The following SIK3 variants were observed in gnomAD, a reference collection of about 807,000 sequenced individuals.
The protein encoded by SIK3 is SIK family kinase 3.
In SIK3, 28 loss-of-function variants were observed where a neutral mutation model predicts 144.2. The ratio of observed to expected loss-of-function variants is 0.19; its 90% CI spans 0.14 to 0.27. The LOEUF is 0.27. Among genes scored for constraint, SIK3 ranks in the 10% least tolerant of loss-of-function variants. The probability of loss-of-function intolerance (pLI) is 1.00; values close to 1 mark genes in which losing one functional copy is unlikely to be tolerated. For synonymous variants in SIK3, 686 were observed against 676.3 expected, an observed-to-expected ratio of 1.01 and a Z score of -0.22; for missense variants, 1,319 against 1,776.0, an observed-to-expected ratio of 0.74 and a Z score of 4.62.
chr11:117,021,380 G>T (rs537542466), intron 1 of SIK3, among the ~76,000 whole-genome samples: 1 of 152,100 alleles, frequency 6.6e-6, no homozygotes, highest in South Asian at 2.1e-4. Context: ...AAACTGCCTT[G>T]GTCAGAGCAC....
intron 4 of SIK3, among the ~76,000 whole-genome samples, chr11:116,921,989 G>A (rs1947008069): frequency 6.6e-6 from 1 of 151,804 alleles, no homozygotes; most frequent in East Asian, 1.9e-4. Context: ...CTAAGTCCAA[G>A]TAAGACTCCT....
At chr11:116,855,466 T>TAA (rs1357472977) in intron 21 of SIK3, 2 of 152,262 alleles carry the variant, frequency 1.3e-5, no homozygotes, top group East Asian at 3.8e-4. Context: ...AGGGGTCCTC[T>TAA]GACAATCAGG....
chr11:116,845,726 C>T (rs1229612100), intron 24 of SIK3, 97 bp from the exon 25 acceptor site: 1 of 152,232 alleles, frequency 6.6e-6, no homozygotes, highest in Non-Finnish European at 1.5e-5. Context: ...GGTTTACTTT[C>T]CCTCAGGTGT....
chr11:117,093,152 T>G (rs1326347633), intron 1 of SIK3, among the ~76,000 whole-genome samples: 1 of 152,242 alleles, frequency 6.6e-6, no homozygotes, highest in Non-Finnish European at 1.5e-5. Context: ...TAATGTAAAT[T>G]CTGCTTTCAA....
chr11:117,098,144 T>C lies in SIK3; in HGVS notation c.272A>G (p.Lys91Arg), dbSNP rs1386647862. The change falls in exon 1 of 25, where the codon AAG becomes AGG. Residue 91 changes from lysine to arginine, a missense_variant and splice_region_variant. By Grantham distance (26) the Lys-to-Arg change is conservative. Around this residue, in one of 8 missense-constraint regions of SIK3, gnomAD observed 125 missense variants for 285.2 expected, o/e 0.44. Transcript: ENST00000445177. ...KRATHLVTKA[K>R]VAIKIIDKTQ... The stretch of plus-strand genomic sequence containing the variant: ...GCCGCCTGGCCCCTGCGCCGGTACC[T>C]TGGCCTTGGTGACGAGGTGCGTGGC... The C allele has an allele frequency of 5.4e-6, 8 of 1,490,516 alleles. No homozygotes were observed. Among genetic ancestry groups the C allele is most frequent in the Admixed American group, 3.9e-5 (2 of 51,062 alleles). 92.3% of individuals were successfully genotyped at this position (1,490,516 alleles called of 1,614,324 possible). A position where few individuals can be genotyped will look rare whatever the true frequency, so the allele number is the denominator to read the frequency against.
intron 6 of SIK3, among the ~76,000 whole-genome samples, chr11:116,890,928 TAGG>T (rs1308843278): frequency 6.6e-6 from 1 of 152,170 alleles, no homozygotes; most frequent in Non-Finnish European, 1.5e-5. Context: ...AAATAGCAGA[TAGG>T]AGATCAATTT....
At chr11:116,920,461 T>C (rs1591326032) in intron 4 of SIK3, among the ~76,000 whole-genome samples, 1 of 152,340 alleles carries the variant, frequency 6.6e-6, no homozygotes, top group African/African-American at 2.4e-5. Flanking sequence ...GCACAAATCA[T>C]TCTGCCATGT....
chr11:117,029,376 G>C (rs1339978609), intron 1 of SIK3, among the ~76,000 whole-genome samples: 1 of 152,146 alleles, frequency 6.6e-6, no homozygotes, highest in East Asian at 1.9e-4. Context: ...AGGATGAATT[G>C]AACCCAGGAG....
rs888456855 is a variant in SIK3 at position 117,023,831 on chromosome 11, C to T, written c.274-66767G>A. Among the ~76,000 whole-genome samples, 10 of 151,610 alleles carry T rather than the reference C, an allele frequency of 6.6e-5. 1 individual carries two copies. The highest frequency in any genetic ancestry group is 1.7e-4 in the African/African-American group (7 of 41,224). On this transcript the variant is annotated intron_variant, in intron 1 of 24. Transcript: ENST00000445177. The stretch of plus-strand genomic sequence containing the variant: ...AGCTGGGATTACAGATGTGCGCCAC[C>T]GTGGCATAACTAATTTTTTGTATTT...
chr11:117,045,682 C>T (rs1308632922), intron 1 of SIK3, among the ~76,000 whole-genome samples: 1 of 152,044 alleles, frequency 6.6e-6, no homozygotes, highest in Non-Finnish European at 1.5e-5. Flanking sequence ...GTGGTGAGAC[C>T]CACAACACTT....
At chr11:116,889,143 G>T (rs1944973275) in intron 6 of SIK3, among the ~76,000 whole-genome samples, 1 of 152,230 alleles carries the variant, frequency 6.6e-6, no homozygotes, top group Admixed American at 6.5e-5. Flanking sequence ...TATTACCTGT[G>T]TGGCTTTGGC....
chr11:116,847,221 A>C (rs1198535927), intron 23 of SIK3, among the ~76,000 whole-genome samples: 4 of 152,210 alleles, frequency 2.6e-5, no homozygotes. Context: ...GGAAAAAGTG[A>C]TTGAAGGCAT....
intron 1 of SIK3, among the ~76,000 whole-genome samples, chr11:117,039,524 T>G (rs1390888672): frequency 1.3e-5 from 2 of 152,242 alleles, no homozygotes; most frequent in Non-Finnish European, 2.9e-5. Flanking sequence ...CAATTCTCAC[T>G]GCATATTATA....
chr11:116,914,978 T>C (rs1412455524), intron 4 of SIK3, among the ~76,000 whole-genome samples: 1 of 152,198 alleles, frequency 6.6e-6, no homozygotes, highest in Non-Finnish European at 1.5e-5. Flanking sequence ...CATTAGTACA[T>C]TAAAAATTAA....
At chr11:117,091,200 C>CTT (rs386375011) in intron 1 of SIK3, among the ~76,000 whole-genome samples, 1,008 of 92,932 alleles carry the variant, frequency 0.011, 17 homozygotes, top group Non-Finnish European at 0.012. Flanking sequence ...TTTTTTTTTT[C>CTT]TTTTTTTTTT....
At chr11:116,991,867 A>G (rs1950509203) in intron 1 of SIK3, among the ~76,000 whole-genome samples, 1 of 152,106 alleles carries the variant, frequency 6.6e-6, no homozygotes, top group South Asian at 2.1e-4. Flanking sequence ...CTTCAGGCAA[A>G]ATTAACTCCT....
intron 1 of SIK3, among the ~76,000 whole-genome samples, chr11:117,014,856 G>A (rs1951452042): frequency 6.6e-6 from 1 of 152,162 alleles, no homozygotes; most frequent in Admixed American, 6.5e-5. Context: ...TTGAGCCTAG[G>A]AGTTTGAGAC....
At chr11:116,920,026 C>T (rs963037653) in intron 4 of SIK3, among the ~76,000 whole-genome samples, 1 of 152,070 alleles carries the variant, frequency 6.6e-6, no homozygotes, top group African/African-American at 2.4e-5. Flanking sequence ...TTGCCGTCTC[C>T]ATACTGAATT....
intron 1 of SIK3, among the ~76,000 whole-genome samples, chr11:116,974,466 C>T (rs1404283767): frequency 1.3e-5 from 2 of 152,110 alleles, no homozygotes; most frequent in African/African-American, 4.8e-5. Flanking sequence ...TACAGTGGCA[C>T]GATCACAGTT....
Sources: gnomAD v4.1 joint callset for allele counts (sites outside exome capture counted in the v4.1 genomes callset) on GRCh38, gnomAD v4.1.1 for gene constraint, gnomAD v4.1.1 regional missense constraint, MANE v1.5 for transcripts, NCBI Gene and HGNC (gene_info 2026-07-23, HGNC 2026-07-21) for gene names.